Variants in TRRAP observed in about 807,000 individuals in gnomAD.
TRRAP encodes the protein transformation/transcription domain-associated protein.
A neutral mutation model predicts 438.8 loss-of-function variants in TRRAP; 41 were observed. That is an observed-to-expected ratio of 0.09 (90% CI 0.07 to 0.12). The LOEUF (loss-of-function observed/expected upper bound fraction) is 0.12, where lower values mean the gene tolerates loss of function less well. TRRAP is among the 10% of genes least tolerant of loss of function. The pLI, the probability that TRRAP is intolerant of heterozygous loss-of-function variation, is 1.00. For synonymous variants in TRRAP, 1,994 were observed against 1,962.9 expected (o/e 1.02, Z -0.42); for missense variants, 3,122 against 5,055.1 (o/e 0.62, Z 11.60).
chr7:99,003,661 C>T (rs1794033802), intron 67 of TRRAP, among the ~76,000 whole-genome samples: 1 of 152,218 alleles, frequency 6.6e-6, no homozygotes, highest in African/African-American at 2.4e-5. Context: ...TGGTTCCTCT[C>T]TTCCTCTTCC....
intron 1 of TRRAP, among the ~76,000 whole-genome samples, chr7:98,879,758 C>T (rs971300963): frequency 7.2e-5 from 11 of 152,172 alleles, no homozygotes; most frequent in Non-Finnish European, 1.3e-4. Context: ...TTGTGGGACA[C>T]CTGTGGGCAT....
chr7:98,956,575 G>C lies in TRRAP; in HGVS notation c.6231+42G>C. ...CTGTATGGGTGCTGCGCATTCTGCT[G>C]GGAGTTGGTTCGTTTATTCCCTATA... On this transcript the variant is annotated intron_variant, in intron 43 of 72. Coordinates refer to ENST00000456197, the MANE Select transcript of TRRAP (RefSeq NM_001375524.1). The surrounding 1 kb of genome is among the most constrained non-coding windows in gnomAD (Gnocchi z 4.5). The C allele has an allele frequency of 6.3e-7, 1 of 1,591,554 alleles. No homozygotes were observed. Among genetic ancestry groups the C allele is most frequent in the Admixed American group, 1.8e-5 (1 of 54,924 alleles).
At chr7:98,903,919 C>T (rs553518264) in intron 12 of TRRAP, among the ~76,000 whole-genome samples, 4 of 152,044 alleles carry the variant, frequency 2.6e-5, no homozygotes, top group African/African-American at 7.2e-5. Flanking sequence ...GCACGGTTCT[C>T]GTGCCTCAGC....
chr7:99,006,669 C>A (rs1255448710), intron 69 of TRRAP, among the ~76,000 whole-genome samples: 1 of 152,206 alleles, frequency 6.6e-6, no homozygotes, highest in Non-Finnish European at 1.5e-5. Context: ...CCCCTGACTC[C>A]ACGTCAGGGG....
At chr7:98,971,991 C>G in intron 53 of TRRAP, 46 bp downstream of exon 53, 2 of 1,592,944 alleles carry the variant, frequency 1.3e-6, no homozygotes, top group Non-Finnish European at 1.7e-6. Context: ...CTCCCATGGA[C>G]AGTTCAAAGC....
In TRRAP at chr7:98,899,573, G is replaced by A. The variant is rs1391300465; in HGVS notation, c.711+74G>A. On this transcript the variant is annotated intron_variant, in intron 9 of 72. Coordinates refer to ENST00000456197, the MANE Select transcript of TRRAP (RefSeq NM_001375524.1). ...AAATTGGCATCTGGGGCCAAAAGAT[G>A]TGTATAATACACACATGCTAAATAA... The A allele has an allele frequency of 3.1e-6, 5 of 1,604,042 alleles. No homozygotes were observed. The South Asian group carries it at 3.3e-5, about 11-fold the overall frequency.
At chr7:98,898,350 C>CT (rs1224195343) in intron 8 of TRRAP, among the ~76,000 whole-genome samples, 4 of 152,178 alleles carry the variant, frequency 2.6e-5, no homozygotes, top group Admixed American at 2.6e-4. Flanking sequence ...GTCTCACGGA[C>CT]TTTGTGAAGG....
rs1487355266 is a variant in TRRAP, at chr7:98,880,261, TG to T, written c.-61-828del. On this transcript the variant is annotated intron_variant, in intron 1 of 72. Coordinates refer to ENST00000456197, the MANE Select transcript of TRRAP (RefSeq NM_001375524.1). ...GCTGCCTGCGTTTTGTTGTTGTTGT[TG>T]TTTTTTTTTTTTTTTTTCCGAGACT... 1.2e-3 allele frequency among the ~76,000 whole-genome samples: 71 copies of T among 59,528 alleles called. 1 individual carries two copies. Among genetic ancestry groups the T allele is most frequent in the African/African-American group, 3.3e-3 (67 of 20,248 alleles). 39.1% of individuals were successfully genotyped at this position (59,528 alleles called of 152,430 possible).
intron 70 of TRRAP, 123 bp from the exon 71 acceptor site, chr7:99,010,929 T>C: frequency 9.9e-7 from 1 of 1,012,688 alleles, no homozygotes; most frequent in Non-Finnish European, 1.5e-6. Flanking sequence ...GTTAAATCTG[T>C]CACCAGAATT....
chr7:98,889,045 CTTT>C (rs11326725), intron 3 of TRRAP, among the ~76,000 whole-genome samples: 36 of 82,422 alleles, frequency 4.4e-4, no homozygotes, highest in Non-Finnish European at 7.4e-4. Flanking sequence ...CAAAACTTTA[CTTT>C]TTTTTTTTTT....
At chr7:98,890,805 T>A (rs1175501733) in intron 4 of TRRAP, among the ~76,000 whole-genome samples, 3 of 115,468 alleles carry the variant, frequency 2.6e-5, no homozygotes, top group Admixed American at 9.7e-5. Context: ...TTTTTTTTTT[T>A]AAAAGACAAG....
At position 98,890,461 on chromosome 7, in the gene TRRAP, A is replaced by T; in HGVS notation, c.261+16A>T. ...ACCAGCACAGGTAATGTAAAAAAAT[A>T]ACATGAGAAGACAAGGGTGCTGTGG... is the stretch of plus-strand genomic sequence containing the variant. On this transcript the variant is annotated intron_variant, in intron 4 of 72. Transcript: ENST00000456197. The T allele has an allele frequency of 6.5e-7, 1 of 1,544,324 alleles. No homozygotes were observed. The highest frequency in any genetic ancestry group is 8.7e-7 in the Non-Finnish European group (1 of 1,143,110).
intron 70 of TRRAP, 139 bp downstream of exon 70, chr7:99,008,700 G>A (rs1258160730): frequency 2.2e-6 from 2 of 925,378 alleles, no homozygotes; most frequent in African/African-American, 3.3e-5. Flanking sequence ...AACTTTATTA[G>A]ACTCATGAGA....
chr7:98,973,383 G>C (rs12112132), intron 53 of TRRAP, among the ~76,000 whole-genome samples: 1 of 152,214 alleles, frequency 6.6e-6, no homozygotes, highest in Non-Finnish European at 1.5e-5. Flanking sequence ...GTCATCAGGT[G>C]CCTGGGCCTC....
intron 30 of TRRAP, 29 bp from the exon 31 acceptor site, chr7:98,942,920 T>TTG: frequency 1.9e-6 from 3 of 1,613,776 alleles, no homozygotes; most frequent in Non-Finnish European, 2.5e-6. Flanking sequence ...TACTGTGAAG[T>TTG]TGTGTCTCAG....
Position 98,978,895 on chromosome 7 carries a change from G to C in TRRAP, c.8625G>C (p.Ala2875=). The change falls in exon 58 of 73, where the codon GCG becomes GCC. Residue 2875 remains alanine, a synonymous_variant. Transcript: ENST00000456197. ...RVSNWTAMKE[A]LVQVEVSCPK... ...CCAACTGGACTGCCATGAAGGAGGC[G>C]CTGGTGCAGGTGAGACGCCCCGGGG... The C allele has an allele frequency of 6.2e-7, 1 of 1,613,988 alleles. No homozygotes were observed. Among genetic ancestry groups the C allele is most frequent in the Non-Finnish European group, 8.5e-7 (1 of 1,180,032 alleles).
rs1796656275 is a variant in TRRAP at position 98,904,968 on chromosome 7, G to C, written c.1037-1209G>C. The stretch of plus-strand genomic sequence containing the variant: ...GTAACTCATTTTCACTCATTCTGAA[G>C]AGCCAGTGGTTTGAGAAAACCTGCC... On this transcript the variant is annotated intron_variant, in intron 12 of 72. Coordinates refer to ENST00000456197, the MANE Select transcript of TRRAP (RefSeq NM_001375524.1). Among the ~76,000 whole-genome samples, 4 of 152,142 alleles carry C rather than the reference G, an allele frequency of 2.6e-5. No homozygotes were observed. The South Asian group carries it at 8.3e-4, about 32-fold the overall frequency.
In TRRAP at chr7:98,910,084, C is replaced by T. The variant is rs1554408371; in HGVS notation, c.1379C>T (p.Ala460Val). 1.3e-6 allele frequency: 2 copies of T among 1,557,628 alleles called. No individual in the cohort carries two copies. Among genetic ancestry groups the T allele is most frequent in the Admixed American group, 2.0e-5 (1 of 50,698 alleles). ...EVFVLKFHTI[A>V]RYQLSAIFKK... ...TTCGTTCTCAAATTCCACACAATTGCTCGGTACCAGCTCTCTGCCATTTTT... is the reference window on the plus strand; with the variant it reads ...TTCGTTCTCAAATTCCACACAATTGTTCGGTACCAGCTCTCTGCCATTTTT... The change falls in exon 15 of 73, where the codon GCT becomes GTT. Residue 460 changes from alanine to valine, a missense_variant. Around this residue, in one of 24 missense-constraint regions of TRRAP, gnomAD observed 115 missense variants for 124.6 expected, o/e 0.92. Transcript: ENST00000456197.
chr7:98,999,040 G>T, intron 67 of TRRAP: 1 of 837,216 alleles, frequency 1.2e-6, no homozygotes, highest in Non-Finnish European at 1.9e-6. Flanking sequence ...CTCCAAGGTG[G>T]ATGGGAGGAG....
Sources: allele counts gnomAD v4.1 joint callset (sites outside exome capture counted in the v4.1 genomes callset), GRCh38; gene constraint gnomAD v4.1.1; regional missense constraint gnomAD v4.1.1; non-coding constraint Gnocchi (gnomAD v3.1); transcripts MANE v1.5; gene names NCBI Gene and HGNC (gene_info 2026-07-23, HGNC 2026-07-21).